The following PUM2 variants were observed in gnomAD, a reference collection of about 807,000 sequenced individuals.
PUM2 encodes the protein pumilio RNA binding family member 2, also known as pumilio homolog 2.
Under a neutral mutation model 124.5 loss-of-function variants are expected in PUM2, and 57 were observed. That is an observed-to-expected ratio of 0.46 (90% CI 0.37 to 0.57). The LOEUF is 0.57. PUM2 is among the 20% of genes least tolerant of loss of function. PUM2 has a pLI of 0.00. For missense variants in PUM2, 1,065 were observed against 1,290.6 expected (o/e 0.83, Z 2.68); for synonymous variants, 460 against 446.1 (o/e 1.03, Z -0.39).
At chr2:20,257,783 T>C (rs181988892) in intron 16 of PUM2, among the ~76,000 whole-genome samples, 11 of 152,316 alleles carry the variant, frequency 7.2e-5, no homozygotes, top group Admixed American at 5.2e-4. Flanking sequence ...CTCAAAAAAT[T>C]ATAAATTTTT....
chr2:20,306,228 TAAC>T (rs1296427376), intron 7 of PUM2, among the ~76,000 whole-genome samples: 3 of 151,702 alleles, frequency 2.0e-5, no homozygotes, highest in Non-Finnish European at 4.4e-5. Context: ...ACAAAAACAA[TAAC>T]AACAAAAAAA....
At chr2:20,291,692 C>T (rs1346256455) in intron 9 of PUM2, among the ~76,000 whole-genome samples, 1 of 151,996 alleles carries the variant, frequency 6.6e-6, no homozygotes, top group Non-Finnish European at 1.5e-5. Context: ...TAGAATCCTC[C>T]AATAACTGTT....
chr2:20,297,724 G>C (rs376798935), intron 7 of PUM2, 46 bp from the exon 8 acceptor site: 1 of 1,481,002 alleles, frequency 6.8e-7, no homozygotes, highest in Non-Finnish European at 9.2e-7. Flanking sequence ...TGTAAAGTAT[G>C]ATTTTTTTCA....
chr2:20,311,460 T>TA, intron 5 of PUM2, 34 bp downstream of exon 5: 1 of 1,568,158 alleles, frequency 6.4e-7, no homozygotes. Flanking sequence ...CCTAAAAAGA[T>TA]ACGCTTTTCT....
At chr2:20,335,714 T>G (rs949667362) in intron 1 of PUM2, among the ~76,000 whole-genome samples, 6 of 152,244 alleles carry the variant, frequency 3.9e-5, no homozygotes, top group African/African-American at 1.4e-4. Context: ...AAAGTAAAGT[T>G]TTATGTTTTG....
rs184109262 is a variant in PUM2 at position 20,257,171 on chromosome 2, T to C, written c.2485-1001A>G. Among the ~76,000 whole-genome samples the C allele has an allele frequency of 3.3e-5, 5 of 151,612 alleles. No individual in the cohort carries two copies. The East Asian group carries it at 7.8e-4, about 24-fold the overall frequency. ...ATCAAAGACATTTTAAAAATATCTATACCAGTTAGAAACTTGTGGCAGAGA... is the reference window on the plus strand; with the variant it reads ...ATCAAAGACATTTTAAAAATATCTACACCAGTTAGAAACTTGTGGCAGAGA... On this transcript the variant is annotated intron_variant, in intron 16 of 20. Transcript: ENST00000361078.
At chr2:20,329,435 C>CA (rs112041256) in intron 1 of PUM2, among the ~76,000 whole-genome samples, 10,917 of 62,992 alleles carry the variant, frequency 0.17, 727 homozygotes, top group African/African-American at 0.3. Context: ...CCCCTCATCT[C>CA]AAAAAAAAAA....
chr2:20,322,047 T>C (rs1430394089), intron 2 of PUM2, among the ~76,000 whole-genome samples: 11 of 152,172 alleles, frequency 7.2e-5, no homozygotes. Flanking sequence ...TCAGACTTTT[T>C]AAATTGTTAT....
intron 3 of PUM2, among the ~76,000 whole-genome samples, chr2:20,317,666 A>C (rs1681313701): frequency 6.6e-6 from 1 of 152,170 alleles, no homozygotes; most frequent in Non-Finnish European, 1.5e-5. Context: ...TACTAAAAAA[A>C]GTACCTGATG....
intron 7 of PUM2, among the ~76,000 whole-genome samples, chr2:20,303,346 A>C (rs1677440877): frequency 6.6e-6 from 1 of 151,866 alleles, no homozygotes; most frequent in African/African-American, 2.4e-5. Flanking sequence ...TCGAGGCTGC[A>C]ATTAGCCATA....
intron 1 of PUM2, among the ~76,000 whole-genome samples, chr2:20,335,231 A>AT (rs1685751575): frequency 6.6e-6 from 1 of 152,220 alleles, no homozygotes; most frequent in African/African-American, 2.4e-5. Flanking sequence ...AGCTGGACTG[A>AT]TTTTAATGAA....
At chr2:20,286,017 T>A (rs1672634907) in intron 10 of PUM2, among the ~76,000 whole-genome samples, 1 of 152,122 alleles carries the variant, frequency 6.6e-6, no homozygotes, top group African/African-American at 2.4e-5. Flanking sequence ...CCAGTACGAC[T>A]GAAAGAGAGA....
chr2:20,263,495 T>G (rs375831449), intron 13 of PUM2, 35 bp from the exon 14 acceptor site: 6 of 1,557,840 alleles, frequency 3.9e-6, no homozygotes, highest in Non-Finnish European at 5.2e-6. Flanking sequence ...CAAGTATTTT[T>G]GACAAAGTTA....
At chr2:20,285,563 A>G (rs1672535372) in intron 10 of PUM2, among the ~76,000 whole-genome samples, 2 of 152,110 alleles carry the variant, frequency 1.3e-5, no homozygotes, top group Admixed American at 6.5e-5. Context: ...AGTTTGGTGC[A>G]TTCTGTTCCT....
chr2:20,342,201 AT>A (rs1435734204), intron 1 of PUM2, among the ~76,000 whole-genome samples: 1 of 152,170 alleles, frequency 6.6e-6, no homozygotes, highest in Non-Finnish European at 1.5e-5. Flanking sequence ...AGAAATCTGA[AT>A]GCATGGTCTG....
rs769998482 is a variant in PUM2 at position 20,283,502 on chromosome 2, G to A, written c.1292-16C>T. 2 of 1,584,546 alleles carry A rather than the reference G, an allele frequency of 1.3e-6. No homozygotes were observed. The highest frequency in any genetic ancestry group is 1.7e-6 in the Non-Finnish European group (2 of 1,164,862). On this transcript the variant is annotated splice_polypyrimidine_tract_variant and intron_variant, in intron 10 of 20. Transcript: ENST00000361078. ...ACTTGATAGCCTAAATAAAATAAAGGTTTACTAATGAAAGCACTTATTACA... is the reference window on the plus strand; with the variant it reads ...ACTTGATAGCCTAAATAAAATAAAGATTTACTAATGAAAGCACTTATTACA...
chr2:20,301,358 A>G (rs571191331), intron 7 of PUM2, among the ~76,000 whole-genome samples: 2 of 152,296 alleles, frequency 1.3e-5, no homozygotes, highest in East Asian at 3.9e-4. Flanking sequence ...AAAAAATCTA[A>G]AAGTTTAATT....
intron 13 of PUM2, among the ~76,000 whole-genome samples, chr2:20,277,603 G>A (rs912977937): frequency 6.6e-6 from 1 of 152,008 alleles, no homozygotes; most frequent in Non-Finnish European, 1.5e-5. Flanking sequence ...GTATTAGTAA[G>A]TTTTTTTGCT....
At chr2:20,338,797 G>A (rs1008129243) in intron 1 of PUM2, among the ~76,000 whole-genome samples, 5 of 152,110 alleles carry the variant, frequency 3.3e-5, no homozygotes, top group Admixed American at 2.6e-4. Context: ...ACCAATCTAT[G>A]CTCCTATCAT....
Sources: gnomAD v4.1 joint callset for allele counts (sites outside exome capture counted in the v4.1 genomes callset) on GRCh38, gnomAD v4.1.1 for gene constraint, MANE v1.5 for transcripts, NCBI Gene and HGNC (gene_info 2026-07-23, HGNC 2026-07-21) for gene names.